The following GRK7 variants were observed in gnomAD, a reference collection of about 807,000 sequenced individuals.
The protein encoded by GRK7 is G protein-coupled receptor kinase 7.
In GRK7, 24 loss-of-function variants were observed where a neutral mutation model predicts 34.1. That is an observed-to-expected ratio of 0.70 (90% CI 0.51 to 0.99). GRK7 has a LOEUF of 0.99. Among genes scored for constraint, GRK7 ranks in the 50% least tolerant of loss-of-function variants. GRK7 has a pLI of 0.00. For synonymous variants in GRK7, 256 were observed against 279.4 expected, an observed-to-expected ratio of 0.92 and a Z score of 0.84; for missense variants, 644 against 707.3, an observed-to-expected ratio of 0.91 and a Z score of 1.02.
At chr3:141,799,104 C>G (rs1199691437) in intron 4 of GRK7, among the ~76,000 whole-genome samples, 1 of 151,968 alleles carries the variant, frequency 6.6e-6, no homozygotes, top group African/African-American at 2.4e-5. Flanking sequence ...GCCGAGCCAG[C>G]CTGAAACAGG....
At chr3:141,775,164 C>T (rs2084633446) in intron 2 of GRK7, among the ~76,000 whole-genome samples, 2 of 152,036 alleles carry the variant, frequency 1.3e-5, no homozygotes, top group South Asian at 4.1e-4. Context: ...CTTTGGGAGG[C>T]CAAGGAGGGC....
chr3:141,766,170 C>CTTTTTT (rs767294683), intron 1 of GRK7, among the ~76,000 whole-genome samples: 3 of 129,422 alleles, frequency 2.3e-5, no homozygotes, highest in African/African-American at 1.3e-4. Context: ...TTAATTTTTT[C>CTTTTTT]TTTTTTTTTT....
intron 4 of GRK7, among the ~76,000 whole-genome samples, chr3:141,795,028 C>T (rs767790709): frequency 6.6e-6 from 1 of 152,136 alleles, no homozygotes; most frequent in African/African-American, 2.4e-5. Flanking sequence ...ACGGTGTGAT[C>T]AGGGTTGTCT....
rs1204295770 is a variant in GRK7, at chr3:141,765,655, G to A, written c.-298G>A. On this transcript the variant is annotated 5_prime_UTR_variant, in exon 1 of 6. Transcript: ENST00000682958. ...GAAGCCCAGGAGGAAACACTGCAGA[G>A]AGGCTCAACCACCCCAGCTCTCCCA... Among the ~76,000 whole-genome samples the A allele has an allele frequency of 6.6e-6, 1 of 152,116 alleles. No individual in the cohort carries two copies. Among genetic ancestry groups the A allele is most frequent in the African/African-American group, 2.4e-5 (1 of 41,406 alleles).
chr3:141,782,236 T>C (rs2084675237), intron 4 of GRK7, among the ~76,000 whole-genome samples: 1 of 152,070 alleles, frequency 6.6e-6, no homozygotes, highest in Non-Finnish European at 1.5e-5. Context: ...AGGTAGTGAG[T>C]GGCCCAGGCA....
intron 4 of GRK7, among the ~76,000 whole-genome samples, chr3:141,797,744 C>G (rs919782698): frequency 3.3e-5 from 5 of 152,216 alleles, no homozygotes; most frequent in Admixed American, 6.5e-5. Context: ...CCTTTCTCCC[C>G]GTCTGCGTCG....
At position 141,816,796 on chromosome 3, in the gene GRK7, C is replaced by T; in HGVS notation, c.1408C>T (p.Pro470Ser). 1 of 1,601,306 alleles carries T rather than the reference C, an allele frequency of 6.2e-7. No homozygotes were observed. Among genetic ancestry groups the T allele is most frequent in the Non-Finnish European group, 8.5e-7 (1 of 1,171,708 alleles). Residue 470 changes from proline (P) to serine (S), a missense_variant, in exon 6 of 6, where the codon CCA (proline) becomes TCA (serine). Pro to Ser is a moderately conservative substitution (Grantham distance 74, BLOSUM62 -1). Coordinates refer to ENST00000682958, the MANE Select transcript of GRK7 (RefSeq NM_139209.3). ...CCTGGAAGCTGGCCTAATTGAACCCCCATTTGTGCCAGACCCTTCAGTGGT... is the reference window on the plus strand; with the variant it reads ...CCTGGAAGCTGGCCTAATTGAACCCTCATTTGTGCCAGACCCTTCAGTGGT... The part of the protein sequence containing the change: ...PRLEAGLIEP[P>S]FVPDPSVVYA...
In GRK7 at chr3:141,811,273, G is replaced by A. The variant is rs932374514; in HGVS notation, c.1325+3354G>A. Among the ~76,000 whole-genome samples, 7 of 151,818 alleles carry A rather than the reference G, an allele frequency of 4.6e-5. No homozygotes were observed. The East Asian group carries it at 5.8e-4, about 13-fold the overall frequency. On this transcript the variant is annotated intron_variant, in intron 5 of 5. Transcript: ENST00000682958. ...GCGGAGGTTGAAGTGAGCCAAGATC[G>A]CGCCACTGCACTCCAGCCTGGGCAA... is the stretch of plus-strand genomic sequence containing the variant.
At chr3:141,791,691 A>C (rs150195080) in intron 4 of GRK7, among the ~76,000 whole-genome samples, 1 of 152,220 alleles carries the variant, frequency 6.6e-6, no homozygotes, top group East Asian at 1.9e-4. Flanking sequence ...AGTGTTTCCC[A>C]CATGCCAGGA....
At chr3:141,775,446 TATTG>T (rs547927710) in intron 2 of GRK7, among the ~76,000 whole-genome samples, 16 of 152,180 alleles carry the variant, frequency 1.1e-4, no homozygotes, top group Non-Finnish European at 2.4e-4. Flanking sequence ...GATCTATTTT[TATTG>T]ATTAGAAAAC....
chr3:141,754,359 T>C, the GRK7 span, among the ~76,000 whole-genome samples: 1 of 151,802 alleles, frequency 6.6e-6, no homozygotes, highest in Non-Finnish European at 1.5e-5. Context: ...TTTATGTTCT[T>C]GGGAAAAAGG....
intron 4 of GRK7, among the ~76,000 whole-genome samples, chr3:141,796,936 C>T (rs1218127000): frequency 6.6e-6 from 1 of 152,104 alleles, no homozygotes; most frequent in Non-Finnish European, 1.5e-5. Context: ...GGTTTTGGGT[C>T]GACACCCAAT....
chr3:141,802,651 C>G (rs1043767171), intron 4 of GRK7, among the ~76,000 whole-genome samples: 2 of 152,204 alleles, frequency 1.3e-5, no homozygotes, highest in Non-Finnish European at 2.9e-5. Context: ...TGCGTTGCCC[C>G]TCCACTTTCA....
chr3:141,755,081 GT>G, the GRK7 span, among the ~76,000 whole-genome samples: 1 of 152,180 alleles, frequency 6.6e-6, no homozygotes, highest in Non-Finnish European at 1.5e-5. Context: ...TTATGCCAAG[GT>G]TCTAGAGAGT....
chr3:141,795,839 G>A (rs1207646288), intron 4 of GRK7, among the ~76,000 whole-genome samples: 1 of 152,112 alleles, frequency 6.6e-6, no homozygotes, highest in Admixed American at 6.6e-5. Flanking sequence ...AGCACAGAAA[G>A]GCTGGGAGGG....
At chr3:141,766,599 CAA>C (rs1468306771) in intron 1 of GRK7, among the ~76,000 whole-genome samples, 1 of 152,136 alleles carries the variant, frequency 6.6e-6, no homozygotes, top group Non-Finnish European at 1.5e-5. Context: ...TTCCAGAATA[CAA>C]AGTCTTTTAT....
intron 2 of GRK7, among the ~76,000 whole-genome samples, chr3:141,776,293 A>G (rs1490511984): frequency 8.5e-6 from 1 of 117,888 alleles, no homozygotes; most frequent in African/African-American, 3.4e-5. Context: ...TCTCAAAATA[A>G]AAATTAAAAA....
upstream of GRK7, among the ~76,000 whole-genome samples, chr3:141,759,849 A>T (rs1448105951): frequency 1.1e-4 from 8 of 70,454 alleles, no homozygotes; most frequent in Non-Finnish European, 2.0e-4. Context: ...TTATTGGTCT[A>T]TTCAGAGATT....
chr3:141,796,605 G>A (rs567388869), intron 4 of GRK7, among the ~76,000 whole-genome samples: 1 of 152,260 alleles, frequency 6.6e-6, no homozygotes, highest in Non-Finnish European at 1.5e-5. Context: ...CTTGCATCTG[G>A]GTTGAGCCAA....
Sources: allele counts gnomAD v4.1 joint callset (sites outside exome capture counted in the v4.1 genomes callset), GRCh38; gene constraint gnomAD v4.1.1; transcripts MANE v1.5; gene names NCBI Gene and HGNC (gene_info 2026-07-23, HGNC 2026-07-21).